SRGAP1: variants seen among roughly 807,000 people sequenced by gnomAD.
SRGAP1 encodes SLIT-ROBO Rho GTPase-activating protein 1.
Under a neutral mutation model 121.9 loss-of-function variants are expected in SRGAP1, and 43 were observed. That is an observed-to-expected ratio of 0.35 (90% confidence interval 0.28 to 0.46). The LOEUF (loss-of-function observed/expected upper bound fraction) is 0.46. Ranked by LOEUF, SRGAP1 falls within the 20% of genes least tolerant of loss-of-function variation. The pLI, the probability that SRGAP1 is intolerant of heterozygous loss-of-function variation, is 1.00. For synonymous variants in SRGAP1, 447 were observed against 485.4 expected (o/e 0.92, Z 1.04); for missense variants, 1,102 against 1,350.9 (o/e 0.82, Z 2.89).
intron 1 of SRGAP1, among the ~76,000 whole-genome samples, chr12:63,866,579 A>G (rs1260699583): frequency 6.6e-6 from 1 of 152,228 alleles, no homozygotes; most frequent in East Asian, 1.9e-4. Flanking sequence ...GCAAATTTCA[A>G]CAATGCAAAA....
intron 1 of SRGAP1, among the ~76,000 whole-genome samples, chr12:63,899,224 A>C (rs1321034295): frequency 6.6e-6 from 1 of 152,088 alleles, no homozygotes; most frequent in South Asian, 2.1e-4. Flanking sequence ...TCTACAAAAA[A>C]TACAAAAATT....
chr12:64,131,743 C>G (rs182379081), intron 21 of SRGAP1, among the ~76,000 whole-genome samples: 1 of 152,170 alleles, frequency 6.6e-6, no homozygotes, highest in East Asian at 1.9e-4. Flanking sequence ...CTGCTGTGCA[C>G]GACCCGCTTT....
intron 8 of SRGAP1, among the ~76,000 whole-genome samples, chr12:64,072,106 CTCTGTGTG>C (rs1455346948): frequency 5.0e-4 from 19 of 37,798 alleles, no homozygotes; most frequent in African/African-American, 1.3e-3. Flanking sequence ...CCCAATCTCT[CTCTGTGTG>C]TGTGTGTGTG....
chr12:63,877,632 T>A (rs1311284262), intron 1 of SRGAP1, among the ~76,000 whole-genome samples: 1 of 152,224 alleles, frequency 6.6e-6, no homozygotes, highest in Admixed American at 6.5e-5. Flanking sequence ...TTGCCAAAAA[T>A]ATTAAATTAT....
At chr12:63,881,023 ACACTGCTGT>A (rs1900178608) in intron 1 of SRGAP1, among the ~76,000 whole-genome samples, 1 of 152,236 alleles carries the variant, frequency 6.6e-6, no homozygotes, top group South Asian at 2.1e-4. Flanking sequence ...GTAAAGCAAC[ACACTGCTGT>A]CAACATTTTT....
At chr12:63,999,401 A>C (rs1290422271) in intron 3 of SRGAP1, among the ~76,000 whole-genome samples, 1 of 152,108 alleles carries the variant, frequency 6.6e-6, no homozygotes, top group Non-Finnish European at 1.5e-5. Context: ...AAAGATAATA[A>C]GACAGAAAGT....
chr12:64,077,827 A>G (rs1334179012), intron 8 of SRGAP1, among the ~76,000 whole-genome samples: 2 of 152,192 alleles, frequency 1.3e-5, no homozygotes, highest in Admixed American at 6.5e-5. Context: ...AAAGAGGGAA[A>G]AACCACAGCA....
rs2037105708 is a variant in SRGAP1, at chr12:64,150,443, T to C, written c.*7771T>C. The C allele has an allele frequency of 2.0e-5, 3 of 152,244 alleles. No homozygotes were observed. The highest frequency in any genetic ancestry group is 4.4e-5 in the Non-Finnish European group (3 of 68,018). 9.4% of individuals were successfully genotyped at this position (152,244 alleles called of 1,614,324 possible). ...GAATTACCCTCTCAATGATGGTGTA[T>C]TGTTCTAATCTTCTGTCTCTGACAT... On this transcript the variant is annotated 3_prime_UTR_variant, in exon 22 of 22. Coordinates refer to ENST00000355086, the MANE Select transcript of SRGAP1 (RefSeq NM_020762.4).
chr12:63,861,804 TAGTG>T (rs1899462295), intron 1 of SRGAP1, among the ~76,000 whole-genome samples: 1 of 152,020 alleles, frequency 6.6e-6, no homozygotes, highest in South Asian at 2.1e-4. Flanking sequence ...CTGGGCAACA[TAGTG>T]AGGCACTGTC....
intron 1 of SRGAP1, among the ~76,000 whole-genome samples, chr12:63,981,555 G>A (rs1045956848): frequency 6.6e-6 from 1 of 152,144 alleles, no homozygotes; most frequent in Non-Finnish European, 1.5e-5. Context: ...CTGCGTTTTT[G>A]AAAGACAAAG....
chr12:64,084,900 T>G (rs1309484762), intron 10 of SRGAP1, among the ~76,000 whole-genome samples: 2 of 152,006 alleles, frequency 1.3e-5, no homozygotes, highest in Non-Finnish European at 2.9e-5. Context: ...AATGTACATA[T>G]TTATAGAATT....
chr12:64,040,091 C>T (rs1355117619), intron 4 of SRGAP1, among the ~76,000 whole-genome samples: 3 of 152,090 alleles, frequency 2.0e-5, no homozygotes, highest in East Asian at 1.9e-4. Context: ...AAAGGTTCTT[C>T]GTTAACCCCA....
At position 64,118,319 on chromosome 12, in the gene SRGAP1, G is replaced by C. The variant is rs1379430655; in HGVS notation, c.2224+2426G>C. Among the ~76,000 whole-genome samples, 3 of 152,212 alleles carry C rather than the reference G, an allele frequency of 2.0e-5. No homozygotes were observed. The East Asian group carries it at 5.8e-4, about 29-fold the overall frequency. ...GGGTCTCACTTTGTCACCCAGGCTG[G>C]AGTGCAGTGGCATGATCTTGGCTCA... On this transcript the variant is annotated intron_variant, in intron 18 of 21. Coordinates refer to ENST00000355086, the MANE Select transcript of SRGAP1 (RefSeq NM_020762.4).
chr12:64,053,367 G>A (rs2136522079), intron 6 of SRGAP1, among the ~76,000 whole-genome samples: 1 of 152,284 alleles, frequency 6.6e-6, no homozygotes, highest in South Asian at 2.1e-4. Flanking sequence ...GGCTGGATTT[G>A]GCTCATAGGC....
intron 1 of SRGAP1, among the ~76,000 whole-genome samples, chr12:63,853,763 A>G (rs1314433124): frequency 1.3e-5 from 2 of 152,232 alleles, no homozygotes; most frequent in Non-Finnish European, 2.9e-5. Context: ...TTTGGGCCAC[A>G]GTATACCTGG....
At position 64,125,963 on chromosome 12, in the gene SRGAP1, T is replaced by C; in HGVS notation, c.2225-14T>C. 1 of 1,611,888 alleles carries C rather than the reference T, an allele frequency of 6.2e-7. No homozygotes were observed. The highest frequency in any genetic ancestry group is 8.5e-7 in the Non-Finnish European group (1 of 1,178,432). ...AACCCTGTTTCTCGCTGTTTTCTGG[T>C]GTGTTCGTTGTAGAATGTGAGCCAA... On this transcript the variant is annotated splice_polypyrimidine_tract_variant and intron_variant, in intron 18 of 21. Transcript: ENST00000355086.
At chr12:64,003,259 G>A (rs1041267908) in intron 3 of SRGAP1, among the ~76,000 whole-genome samples, 1 of 151,962 alleles carries the variant, frequency 6.6e-6, no homozygotes, top group African/African-American at 2.4e-5. Flanking sequence ...GCTAATTTTT[G>A]TTATTTTTTT....
intron 1 of SRGAP1, among the ~76,000 whole-genome samples, chr12:63,976,920 CG>C (rs754569402): frequency 1.1e-4 from 16 of 151,948 alleles, no homozygotes; most frequent in Non-Finnish European, 1.5e-4. Context: ...AATTAAGTAG[CG>C]TACATCCTGA....
chr12:64,141,122 T>G (rs2036951107), intron 21 of SRGAP1, among the ~76,000 whole-genome samples: 29 of 137,492 alleles, frequency 2.1e-4, no homozygotes, highest in South Asian at 5.0e-4. Flanking sequence ...GGGACTGTTG[T>G]GGGGTGGGTG....
Sources: gnomAD v4.1 joint callset for allele counts (sites outside exome capture counted in the v4.1 genomes callset) on GRCh38, gnomAD v4.1.1 for gene constraint, MANE v1.5 for transcripts, NCBI Gene and HGNC (gene_info 2026-07-23, HGNC 2026-07-21) for gene names.